PDZRN3: variants seen among roughly 807,000 people sequenced by gnomAD.
PDZRN3 encodes the protein E3 ubiquitin-protein ligase PDZRN3.
PDZRN3 carries 38 observed loss-of-function variants against 85.7 expected under a neutral mutation model. The observed-to-expected ratio is 0.44, with a 90% CI of 0.34 to 0.58. The LOEUF is 0.58. Ranked by LOEUF, PDZRN3 falls within the 20% of genes least tolerant of loss-of-function variation. PDZRN3 has a pLI of 0.01. For missense variants in PDZRN3, 1,629 were observed against 1,506.4 expected, an observed-to-expected ratio of 1.08 and a Z score of -1.35; for synonymous variants, 759 against 638.0, an observed-to-expected ratio of 1.19 and a Z score of -2.86.
chr3:73,577,488 C>G (rs184894063), intron 3 of PDZRN3, among the ~76,000 whole-genome samples: 6 of 152,158 alleles, frequency 3.9e-5, no homozygotes, highest in Non-Finnish European at 8.8e-5. Context: ...CCACCCTGCT[C>G]TCTGTCCCCA....
chr3:73,439,370 A>G (rs6549539), intron 3 of PDZRN3, among the ~76,000 whole-genome samples: 32,246 of 152,108 alleles, frequency 0.21, 7,002 homozygotes, highest in African/African-American at 0.56. Flanking sequence ...TAAAAGAATC[A>G]CTTTTTGTGC....
chr3:73,400,720 T>G (rs1293568770), intron 5 of PDZRN3, among the ~76,000 whole-genome samples: 1 of 152,216 alleles, frequency 6.6e-6, no homozygotes, highest in Admixed American at 6.5e-5. Context: ...ATTTCTGCTT[T>G]TGGGACTTGA....
Position 73,416,875 on chromosome 3 carries a change from G to GTTTTTTTTTTTTTTT in PDZRN3, c.919-12481_919-12480insAAAAAAAAAAAAAAA, listed in dbSNP as rs1491373717. ...GTTTTTTTTTTGTTTGTTTTTTTTT[G>GTTTTTTTTTTTTTTT]GTTTTTTTTTTTTTTTTTTTTTTTT... is the stretch of plus-strand genomic sequence containing the variant. On this transcript the variant is annotated intron_variant, in intron 3 of 9. Transcript: ENST00000263666. 1.5e-4 allele frequency among the ~76,000 whole-genome samples: 6 copies of GTTTTTTTTTTTTTTT among 40,746 alleles called. 1 individual carries two copies. Among genetic ancestry groups the GTTTTTTTTTTTTTTT allele is most frequent in the Non-Finnish European group, 2.6e-4 (5 of 19,280 alleles). 26.7% of individuals were successfully genotyped at this position (40,746 alleles called of 152,430 possible). A position where few individuals can be genotyped will look rare whatever the true frequency, so the allele number is the denominator to read the frequency against.
In PDZRN3 at chr3:73,609,216, A is replaced by T. The variant is rs58804109; in HGVS notation, c.724-532T>A. ...TGCAAACACACACAGAAAACAAAAAATCCTGAATCTTACTGAAAAGGGGGA... is the reference window on the plus strand; with the variant it reads ...TGCAAACACACACAGAAAACAAAAATTCCTGAATCTTACTGAAAAGGGGGA... On this transcript the variant is annotated intron_variant, in intron 1 of 9. Coordinates refer to ENST00000263666, the MANE Select transcript of PDZRN3 (RefSeq NM_015009.3). Among the ~76,000 whole-genome samples the T allele has an allele frequency of 3.9e-5, 6 of 152,100 alleles. 1 individual carries two copies. Among genetic ancestry groups the T allele is most frequent in the Non-Finnish European group, 8.8e-5 (6 of 68,030 alleles).
At chr3:73,541,868 C>T (rs1704929679) in intron 3 of PDZRN3, among the ~76,000 whole-genome samples, 1 of 152,102 alleles carries the variant, frequency 6.6e-6, no homozygotes, top group Non-Finnish European at 1.5e-5. Context: ...CCAATTTTCT[C>T]ATACTATGTA....
At chr3:73,470,254 C>T (rs569199125) in intron 3 of PDZRN3, among the ~76,000 whole-genome samples, 2 of 152,240 alleles carry the variant, frequency 1.3e-5, no homozygotes, top group South Asian at 4.1e-4. Context: ...TTAATCGTGT[C>T]CCTCAATCAA....
intron 3 of PDZRN3, among the ~76,000 whole-genome samples, chr3:73,481,549 C>T (rs973644158): frequency 2.0e-5 from 3 of 152,022 alleles, no homozygotes; most frequent in East Asian, 1.9e-4. Context: ...AGGCTGGTCT[C>T]GAACTCCCGA....
In PDZRN3 at chr3:73,400,927, G is replaced by T; in HGVS notation, c.1249C>A (p.Leu417Met). 1 of 1,606,510 alleles carries T rather than the reference G, an allele frequency of 6.2e-7. No individual in the cohort carries two copies. The highest frequency in any genetic ancestry group is 8.5e-7 in the Non-Finnish European group (1 of 1,173,102). Residue 417 changes from leucine (L) to methionine (M), a missense_variant, in exon 5 of 10, where the codon CTG (leucine) becomes ATG (methionine). By Grantham distance (15) the Leu-to-Met change is conservative (BLOSUM62 2). Transcript: ENST00000263666. ...HQEMDREELE[L>M]EEVDLYRMNS... ...GACAAGGATGTTCTTCATACCTCCA[G>T]CTCCAGCTCCTCCCTGTCCATCTCC...
At chr3:73,385,842 G>A in intron 8 of PDZRN3, 57 bp from the exon 9 acceptor site, 1 of 1,038,770 alleles carries the variant, frequency 9.6e-7, no homozygotes, top group East Asian at 2.4e-5. Context: ...GTTCATTTAT[G>A]TTTTTTTAAA....
At chr3:73,452,926 C>T (rs868650576) in intron 3 of PDZRN3, among the ~76,000 whole-genome samples, 8 of 148,726 alleles carry the variant, frequency 5.4e-5, no homozygotes, top group Admixed American at 6.8e-5. Flanking sequence ...ATTTATTGGG[C>T]AGCTGTCAAA....
intron 1 of PDZRN3, 138 bp downstream of exon 1, chr3:73,623,965 G>A: frequency 1.2e-6 from 1 of 842,194 alleles, no homozygotes; most frequent in Non-Finnish European, 1.7e-6. Context: ...TGATACAGCT[G>A]GTAAGCAGTG....
At chr3:73,542,713 G>T (rs1443526706) in intron 3 of PDZRN3, among the ~76,000 whole-genome samples, 3 of 152,094 alleles carry the variant, frequency 2.0e-5, no homozygotes, top group Non-Finnish European at 4.4e-5. Context: ...GGTGGAGGTT[G>T]CAGTGAGCCA....
In PDZRN3 at chr3:73,624,096, C is replaced by T. The variant is rs1448387773; in HGVS notation, c.723+7G>A. ...GCTGGAGGTCGGGGCGGGCAGCAGG[C>T]GCCTACCTTGCCGCCGGGCGGCGCG... On this transcript the variant is annotated splice_region_variant and intron_variant, in intron 1 of 9. Transcript: ENST00000263666. 9 of 1,443,304 alleles carry T rather than the reference C, an allele frequency of 6.2e-6. No homozygotes were observed. Among genetic ancestry groups the T allele is most frequent in the Non-Finnish European group, 8.1e-6 (9 of 1,106,870 alleles). The allele number at this position is 1,443,304 out of a possible 1,614,324, so 89.4% of individuals were successfully genotyped here. A position where few individuals can be genotyped will look rare whatever the true frequency, so the allele number is the denominator to read the frequency against.
At chr3:73,510,499 T>C (rs1461244568) in intron 3 of PDZRN3, among the ~76,000 whole-genome samples, 1 of 152,218 alleles carries the variant, frequency 6.6e-6, no homozygotes, top group Non-Finnish European at 1.5e-5. Context: ...TCTATGCCAG[T>C]GAAGAGGCCT....
intron 4 of PDZRN3, among the ~76,000 whole-genome samples, chr3:73,402,156 T>G (rs1208553250): frequency 9.9e-5 from 15 of 152,224 alleles, no homozygotes; most frequent in Admixed American, 9.8e-4. Context: ...TCTGGACTCT[T>G]CTGACATTTC....
chr3:73,441,092 TATAG>T, intron 3 of PDZRN3, among the ~76,000 whole-genome samples: 1 of 152,116 alleles, frequency 6.6e-6, no homozygotes. Context: ...AAGAAGAGTA[TATAG>T]ATACTTATAT....
chr3:73,442,668 A>G (rs1015107908), intron 3 of PDZRN3, among the ~76,000 whole-genome samples: 1 of 150,490 alleles, frequency 6.6e-6, no homozygotes, highest in African/African-American at 2.5e-5. Context: ...AATTAAAAAA[A>G]TCAGCAGCAG....
At chr3:73,598,483 CA>C (rs916481096) in intron 3 of PDZRN3, among the ~76,000 whole-genome samples, 2 of 152,028 alleles carry the variant, frequency 1.3e-5, no homozygotes, top group African/African-American at 4.8e-5. Flanking sequence ...AGGGAAGACA[CA>C]AAAAAATCAG....
At position 73,529,464 on chromosome 3, in the gene PDZRN3, C is replaced by T. The variant is rs747442514; in HGVS notation, c.918+72890G>A. On this transcript the variant is annotated intron_variant, in intron 3 of 9. Coordinates refer to ENST00000263666, the MANE Select transcript of PDZRN3 (RefSeq NM_015009.3). ...ACCCCTCCCCCTATGGCTCTGTACCCCTGCTACAGTGAGAACGTTTGCACT... is the reference window on the plus strand; with the variant it reads ...ACCCCTCCCCCTATGGCTCTGTACCTCTGCTACAGTGAGAACGTTTGCACT... 2.6e-5 allele frequency among the ~76,000 whole-genome samples: 4 copies of T among 152,324 alleles called. No homozygotes were observed. The South Asian group carries it at 6.2e-4, about 24-fold the overall frequency.
Sources: gnomAD v4.1 joint callset for allele counts (sites outside exome capture counted in the v4.1 genomes callset) on GRCh38, gnomAD v4.1.1 for gene constraint, MANE v1.5 for transcripts, NCBI Gene and HGNC (gene_info 2026-07-23, HGNC 2026-07-21) for gene names.